Variants in SOX6 observed in about 807,000 individuals in gnomAD.
SOX6 encodes SRY-box transcription factor 6, also known as transcription factor SOX-6.
Under a neutral mutation model 97.8 loss-of-function variants are expected in SOX6, and 11 were observed. That is an observed-to-expected ratio of 0.11 (90% confidence interval 0.07 to 0.19). The LOEUF (loss-of-function observed/expected upper bound fraction) is 0.19. SOX6 is among the 10% of genes least tolerant of loss of function. The probability of loss-of-function intolerance (pLI) is 1.00; values close to 1 mark genes in which losing one functional copy is unlikely to be tolerated. For missense variants in SOX6, 810 were observed against 1,039.5 expected (o/e 0.78, Z 3.04); for synonymous variants, 360 against 371.4 (o/e 0.97, Z 0.35).
intron 4 of SOX6, among the ~76,000 whole-genome samples, chr11:16,221,700 C>A (rs1852543257): frequency 6.6e-6 from 1 of 152,122 alleles, no homozygotes; most frequent in Admixed American, 6.6e-5. Flanking sequence ...AAACTTCTAT[C>A]TGCCATCAAG....
rs79556899 is a variant in SOX6 at position 15,989,001 on chromosome 11, G to A, written c.1962C>T (p.Ile654=). ...TAGCTGCACTGCTGCACTCACCTAA[G>A]ATTTTGCTAATGTTGGAGTTATGCA... The part of the protein sequence containing the change: ...PDMHNSNISK[I]LGSRWKSMSN... Residue 654 remains isoleucine (I), a synonymous_variant, in exon 14 of 16, where the codon ATC becomes ATT. Transcript: ENST00000683767. 1.9e-4 allele frequency: 313 copies of A among 1,614,004 alleles called. No individual in the cohort carries two copies. The African/African-American group carries it at 3.7e-3, about 19-fold the overall frequency.
chr11:16,254,860 C>T (rs12296061), intron 3 of SOX6, among the ~76,000 whole-genome samples: 101 of 151,656 alleles, frequency 6.7e-4, no homozygotes, highest in African/African-American at 2.2e-3. Context: ...AAATAAGACC[C>T]AACTATATAT....
At chr11:16,397,948 A>G (rs1437040324) in intron 1 of SOX6, among the ~76,000 whole-genome samples, 2 of 151,594 alleles carry the variant, frequency 1.3e-5, no homozygotes, top group South Asian at 4.1e-4. Flanking sequence ...TTCTCTTAGT[A>G]AAAAGGTCTG....
chr11:16,041,515 G>A (rs1436610958), intron 12 of SOX6, among the ~76,000 whole-genome samples: 1 of 152,044 alleles, frequency 6.6e-6, no homozygotes, highest in African/African-American at 2.4e-5. Flanking sequence ...TTAAATAAAT[G>A]GGAACAAGTT....
chr11:16,222,453 T>A (rs1384095038), intron 4 of SOX6, among the ~76,000 whole-genome samples: 1 of 152,050 alleles, frequency 6.6e-6, no homozygotes, highest in Non-Finnish European at 1.5e-5. Flanking sequence ...TCTGCAAGCA[T>A]TCCTCTTGCT....
intron 3 of SOX6, among the ~76,000 whole-genome samples, chr11:16,281,842 A>G (rs557341259): frequency 4.6e-5 from 7 of 151,834 alleles, no homozygotes; most frequent in African/African-American, 1.7e-4. Flanking sequence ...ATTCCAAAAA[A>G]GTCATGGCTT....
intron 4 of SOX6, among the ~76,000 whole-genome samples, chr11:16,194,578 C>A (rs1026079230): frequency 6.6e-6 from 1 of 152,124 alleles, no homozygotes; most frequent in Non-Finnish European, 1.5e-5. Flanking sequence ...TCTTGATATT[C>A]ACCTTTAAAA....
intron 3 of SOX6, among the ~76,000 whole-genome samples, chr11:16,620,149 G>C (rs1265402227): frequency 3.9e-5 from 6 of 152,054 alleles, no homozygotes; most frequent in Admixed American, 3.9e-4. Flanking sequence ...TTACAGCTCA[G>C]GTTTAATAGA....
At chr11:16,054,150 C>T (rs796847250) in intron 10 of SOX6, among the ~76,000 whole-genome samples, 5 of 152,256 alleles carry the variant, frequency 3.3e-5, no homozygotes, top group African/African-American at 1.2e-4. Flanking sequence ...AACCAAGGAA[C>T]ATTTTACTCA....
intron 4 of SOX6, among the ~76,000 whole-genome samples, chr11:16,516,520 C>T (rs1203039301): frequency 3.3e-5 from 5 of 152,068 alleles, no homozygotes; most frequent in East Asian, 1.9e-4. Context: ...CACAGAAATA[C>T]AAACTACCAT....
intron 6 of SOX6, among the ~76,000 whole-genome samples, chr11:16,182,028 T>C (rs1179734803): frequency 6.6e-6 from 1 of 151,818 alleles, no homozygotes; most frequent in Non-Finnish European, 1.5e-5. Flanking sequence ...TTCCAATGAA[T>C]ATTTTAAGAT....
At chr11:16,092,954 A>G (rs1043093974) in intron 9 of SOX6, among the ~76,000 whole-genome samples, 2 of 151,896 alleles carry the variant, frequency 1.3e-5, no homozygotes, top group African/African-American at 4.8e-5. Flanking sequence ...TGACTGCCTC[A>G]TTATACTGGT....
intron 1 of SOX6, among the ~76,000 whole-genome samples, chr11:16,385,418 A>G (rs1388859598): frequency 1.3e-5 from 2 of 152,110 alleles, no homozygotes; most frequent in Admixed American, 6.6e-5. Context: ...GGTAAGTTTA[A>G]ATCATGCCTG....
rs561528253 is a variant in SOX6 at position 16,168,201 on chromosome 11, G to C, written c.777+15685C>G. ...ATAACATGAATCTAATGTGATAAGA[G>C]GTATTTTGAGGTAAATTAGACTAGA... On this transcript the variant is annotated intron_variant, in intron 6 of 15. Transcript: ENST00000683767. Among the ~76,000 whole-genome samples the C allele has an allele frequency of 4.6e-5, 7 of 152,170 alleles. No homozygotes were observed. The South Asian group carries it at 1.5e-3, about 32-fold the overall frequency.
chr11:16,281,187 TA>T (rs1051891804), intron 3 of SOX6, among the ~76,000 whole-genome samples: 1 of 152,012 alleles, frequency 6.6e-6, no homozygotes, highest in African/African-American at 2.4e-5. Context: ...TAAACCCCTT[TA>T]AAAAATAAAA....
At chr11:15,974,178 C>A (rs1247203497) in intron 15 of SOX6, among the ~76,000 whole-genome samples, 2 of 152,116 alleles carry the variant, frequency 1.3e-5, no homozygotes, top group East Asian at 3.9e-4. Context: ...AAGCCGGGGT[C>A]AGGGAAGTTC....
intron 3 of SOX6, among the ~76,000 whole-genome samples, chr11:16,250,104 T>C (rs1853462885): frequency 6.6e-6 from 1 of 152,140 alleles, no homozygotes; most frequent in Admixed American, 6.6e-5. Flanking sequence ...CCAGCCTTAC[T>C]GGTACCAGCA....
At chr11:16,523,208 C>A (rs1861100643) in intron 4 of SOX6, among the ~76,000 whole-genome samples, 2 of 152,060 alleles carry the variant, frequency 1.3e-5, no homozygotes, top group Admixed American at 1.3e-4. Context: ...CACACCTATT[C>A]CAAAATTGAC....
At chr11:16,276,474 G>A (rs192367906) in intron 3 of SOX6, among the ~76,000 whole-genome samples, 3 of 152,284 alleles carry the variant, frequency 2.0e-5, no homozygotes, top group East Asian at 3.9e-4. Context: ...TAGATAATGA[G>A]ACATGGAAGA....
Sources: allele counts gnomAD v4.1 joint callset (sites outside exome capture counted in the v4.1 genomes callset), GRCh38; gene constraint gnomAD v4.1.1; transcripts MANE v1.5; gene names NCBI Gene and HGNC (gene_info 2026-07-23, HGNC 2026-07-21).